The following ZFR2 variants were observed in gnomAD, a reference collection of about 807,000 sequenced individuals.
The protein encoded by ZFR2 is zinc finger RNA binding protein 2, also known as zinc finger RNA-binding protein 2.
In ZFR2, 104 loss-of-function variants were observed where a neutral mutation model predicts 105.7. The observed-to-expected ratio is 0.98, with a 90% CI of 0.84 to 1.16. ZFR2 has a LOEUF of 1.16. ZFR2 is among the 50% of genes most tolerant of loss of function. The pLI, the probability that ZFR2 is intolerant of heterozygous loss-of-function variation, is 0.00. For synonymous variants in ZFR2, 634 were observed against 597.7 expected (o/e 1.06, Z -0.89); for missense variants, 1,425 against 1,355.5 (o/e 1.05, Z -0.80).
intron 10 of ZFR2, 126 bp downstream of exon 10, chr19:3,821,214 G>T: frequency 7.6e-7 from 1 of 1,312,258 alleles, no homozygotes; most frequent in Non-Finnish European, 1.0e-6. Context: ...CCGGGCACCC[G>T]TCTCCCCCCA....
chr19:3,822,981 C>T (rs116258725), intron 8 of ZFR2, among the ~76,000 whole-genome samples: 1,651 of 152,322 alleles, frequency 0.011, 25 homozygotes, highest in African/African-American at 0.037. Context: ...CAGACGGCTC[C>T]GCAGGGTCCC....
In ZFR2 at chr19:3,831,741, C is replaced by T; in HGVS notation, c.517G>A (p.Gly173Ser). 1 of 1,606,138 alleles carries T rather than the reference C, an allele frequency of 6.2e-7. No individual in the cohort carries two copies. ...SSGYTYPTAT[G>S]VQPESSASIV... is the part of the protein sequence containing the mutation. ...GAAGCTGACGACTCGGGCTGGACGC[C>T]TGTCGCCGTGGGGTAGGTGTATCCC... The change falls in exon 4 of 19, where the codon GGC becomes AGC. Residue 173 changes from glycine to serine, a missense_variant. Coordinates refer to ENST00000262961, the MANE Select transcript of ZFR2 (RefSeq NM_015174.2).
chr19:3,830,587 C>T (rs72972956), intron 5 of ZFR2, among the ~76,000 whole-genome samples: 10,274 of 152,124 alleles, frequency 0.068, 476 homozygotes, highest in South Asian at 0.14. Flanking sequence ...GGACCGGCCC[C>T]CCATCCCCAG....
chr19:3,805,807 G>C lies in ZFR2; in HGVS notation c.*142C>G, dbSNP rs1204075973. ...CCACAGTGCCCGGTCTGAAGCACAG[G>C]TGTTTTAAAGGAAACCTACAGAGCG... On this transcript the variant is annotated 3_prime_UTR_variant, in exon 19 of 19. Coordinates refer to ENST00000262961, the MANE Select transcript of ZFR2 (RefSeq NM_015174.2). The C allele has an allele frequency of 1.0e-6, 1 of 987,336 alleles. No individual in the cohort carries two copies. The highest frequency in any genetic ancestry group is 1.4e-6 in the Non-Finnish European group (1 of 717,064). 61.2% of individuals were successfully genotyped at this position (987,336 alleles called of 1,614,324 possible).
Position 3,858,111 on chromosome 19 carries a change from T to C in ZFR2, c.53+10854A>G, listed in dbSNP as rs1405241430. Among the ~76,000 whole-genome samples the C allele has an allele frequency of 2.0e-5, 3 of 152,172 alleles. No individual in the cohort carries two copies. Among genetic ancestry groups the C allele is most frequent in the Non-Finnish European group, 4.4e-5 (3 of 68,038 alleles). ...GGGATGCAAAGCTAGCGAGCCCCACTGATCTCATTTTGTTCACACGGCCAC... is the reference window on the plus strand; with the variant it reads ...GGGATGCAAAGCTAGCGAGCCCCACCGATCTCATTTTGTTCACACGGCCAC... On this transcript the variant is annotated intron_variant, in intron 1 of 18. Coordinates refer to ENST00000262961, the MANE Select transcript of ZFR2 (RefSeq NM_015174.2). The surrounding 1 kb of genome is among the most constrained non-coding windows in gnomAD (Gnocchi z 4.3).
chr19:3,839,949 G>C (rs2038118959), intron 1 of ZFR2, among the ~76,000 whole-genome samples: 1 of 152,026 alleles, frequency 6.6e-6, no homozygotes, highest in South Asian at 2.1e-4. Flanking sequence ...TAACTCCTGG[G>C]CTCCGTATGA....
intron 3 of ZFR2, 107 bp downstream of exon 3, chr19:3,833,557 C>G (rs1237773330): frequency 5.8e-5 from 51 of 886,810 alleles, no homozygotes; most frequent in Non-Finnish European, 8.3e-5. Context: ...GCCTGGGCAA[C>G]AGAGCGAGAC....
At chr19:3,850,017 G>C (rs12609124) in intron 1 of ZFR2, among the ~76,000 whole-genome samples, 22,758 of 151,960 alleles carry the variant, frequency 0.15, 2,063 homozygotes, top group East Asian at 0.26. Context: ...GTGACATCAG[G>C]CAAGATACCC....
At chr19:3,848,805 C>T (rs1024668032) in intron 1 of ZFR2, among the ~76,000 whole-genome samples, 6 of 151,916 alleles carry the variant, frequency 3.9e-5, no homozygotes, top group Non-Finnish European at 5.9e-5. Context: ...TCCTGGCTAA[C>T]ACGGTGAAAC....
chr19:3,824,575 C>T (rs188540821), intron 7 of ZFR2, among the ~76,000 whole-genome samples: 1 of 152,260 alleles, frequency 6.6e-6, no homozygotes, highest in East Asian at 1.9e-4. Flanking sequence ...GAGGTGGCAG[C>T]CCAGGGAACC....
At chr19:3,855,367 G>A (rs1358261307) in intron 1 of ZFR2, 1 of 1,231,538 alleles carries the variant, frequency 8.1e-7, no homozygotes, top group Non-Finnish European at 1.0e-6. Flanking sequence ...GCTTTTGCGG[G>A]TTGCACTATG....
At chr19:3,833,845 C>T (rs1372976663) in intron 2 of ZFR2, 67 bp from the exon 3 acceptor site, 10 of 1,238,602 alleles carry the variant, frequency 8.1e-6, no homozygotes, top group Admixed American at 2.0e-5. Flanking sequence ...GTGGGTGCGA[C>T]GCGCCCTGCC....
At position 3,834,466 on chromosome 19, in the gene ZFR2, C is replaced by A. The variant is rs80289391; in HGVS notation, c.264+307G>T. Among the ~76,000 whole-genome samples, 1 of 151,934 alleles carries A rather than the reference C, an allele frequency of 6.6e-6. No individual in the cohort carries two copies. The highest frequency in any genetic ancestry group is 1.5e-5 in the Non-Finnish European group (1 of 67,976). On this transcript the variant is annotated intron_variant, in intron 2 of 18. Transcript: ENST00000262961. The surrounding 1 kb of genome is among the most constrained non-coding windows in gnomAD (Gnocchi z 5.3). ...CCAGGGAGGGGTCCTGTAACCCAGG[C>A]GACCCTCCTCCTCCTTCATAGTCAC...
chr19:3,814,169 T>C (rs2037801551), intron 13 of ZFR2, among the ~76,000 whole-genome samples: 1 of 152,112 alleles, frequency 6.6e-6, no homozygotes, highest in Non-Finnish European at 1.5e-5. Flanking sequence ...TAGAGATATG[T>C]ACAGACAACA....
At chr19:3,849,849 G>A (rs756586643) in intron 1 of ZFR2, among the ~76,000 whole-genome samples, 2 of 152,226 alleles carry the variant, frequency 1.3e-5, no homozygotes, top group Non-Finnish European at 2.9e-5. Context: ...GAAAATGGAT[G>A]TGCGACCAAC....
intron 5 of ZFR2, among the ~76,000 whole-genome samples, chr19:3,828,521 G>A (rs1301086032): frequency 6.6e-6 from 1 of 152,126 alleles, no homozygotes; most frequent in African/African-American, 2.4e-5. Context: ...CTGCCCGAAG[G>A]ATAGTCACGT....
intron 1 of ZFR2, among the ~76,000 whole-genome samples, chr19:3,854,852 C>T (rs1426147648): frequency 6.6e-6 from 1 of 152,234 alleles, no homozygotes; most frequent in Non-Finnish European, 1.5e-5. Context: ...CAGCCTCTAA[C>T]TCCTGGGCTC....
rs1367160626 is a variant in ZFR2, at chr19:3,831,407, A to G, written c.748T>C (p.Ser250Pro). 2 of 1,555,320 alleles carry G rather than the reference A, an allele frequency of 1.3e-6. No homozygotes were observed. The highest frequency in any genetic ancestry group is 1.7e-6 in the Non-Finnish European group (2 of 1,151,562). Residue 250 changes from serine to proline, a missense_variant, in exon 5 of 19, where the codon TCG becomes CCG. Ser to Pro is a moderately conservative substitution (Grantham distance 74). Transcript: ENST00000262961. ...AGCTTGCTGGGAAGCGGTGGCTTCGAGTCGGCCCTGGGGCTGCTTCCTGAG... is the reference window on the plus strand; with the variant it reads ...AGCTTGCTGGGAAGCGGTGGCTTCGGGTCGGCCCTGGGGCTGCTTCCTGAG... ...AGSGSSPRAD[S>P]KPPLPSKLPR...
chr19:3,810,963 G>T, intron 15 of ZFR2, 118 bp from the exon 16 acceptor site: 2 of 1,161,294 alleles, frequency 1.7e-6, no homozygotes, highest in Non-Finnish European at 2.4e-6. Flanking sequence ...GGCGGGCCTC[G>T]AAGGTGGCGG....
Sources: gnomAD v4.1 joint callset for allele counts (sites outside exome capture counted in the v4.1 genomes callset) on GRCh38, gnomAD v4.1.1 for gene constraint, Gnocchi (gnomAD v3.1) non-coding constraint, MANE v1.5 for transcripts, NCBI Gene and HGNC (gene_info 2026-07-23, HGNC 2026-07-21) for gene names.